The following GUCY2D variants were observed in gnomAD, a reference collection of about 807,000 sequenced individuals.
GUCY2D encodes the protein guanylate cyclase 2D, retinal, also known as retinal guanylyl cyclase 1.
In GUCY2D, 70 loss-of-function variants were observed where a neutral mutation model predicts 101.3. The ratio of observed to expected loss-of-function variants is 0.69; its 90% CI spans 0.57 to 0.84. The LOEUF is 0.84. Among genes scored for constraint, GUCY2D ranks in the 40% least tolerant of loss-of-function variants. The pLI is 0.00. For missense variants in GUCY2D, 1,460 were observed against 1,542.5 expected, an observed-to-expected ratio of 0.95 and a Z score of 0.90; for synonymous variants, 688 against 670.7, an observed-to-expected ratio of 1.03 and a Z score of -0.40.
At position 8,015,008 on chromosome 17, in the gene GUCY2D, A is replaced by G; in HGVS notation, c.2726A>G (p.Tyr909Cys). The G allele has an allele frequency of 6.2e-7, 1 of 1,614,050 alleles. No individual in the cohort carries two copies. Among genetic ancestry groups the G allele is most frequent in the South Asian group, 1.1e-5 (1 of 91,074 alleles). The change falls in exon 14 of 20, where the codon TAC becomes TGC. Residue 909 changes from tyrosine (Y) to cysteine (C), a missense_variant. Coordinates refer to ENST00000254854, the MANE Select transcript of GUCY2D (RefSeq NM_000180.4). ...GTTGTGGACCTGCTCAACGATCTCT[A>G]CACACTCTTTGATGCCATCATTGGT... Reference protein sequence around the residue: ...IEVVDLLNDLYTLFDAIIGSH... With the variant: ...IEVVDLLNDLCTLFDAIIGSH...
chr17:8,016,954 A>G (rs1975990383), intron 19 of GUCY2D: 1 of 173,744 alleles, frequency 5.8e-6, no homozygotes, highest in African/African-American at 2.4e-5. Flanking sequence ...CTGACCCGTG[A>G]CCCGCTCCTT....
At chr17:8,008,080 C>G in intron 7 of GUCY2D, 48 bp downstream of exon 7, 1 of 1,211,318 alleles carries the variant, frequency 8.3e-7, no homozygotes, top group Non-Finnish European at 1.2e-6. Context: ...GAAGAATGCT[C>G]AGGCCCTGGG....
rs61750186 is a variant in GUCY2D, at chr17:8,015,749, G to A, written c.2951G>A (p.Cys984Tyr). The A allele has an allele frequency of 2.5e-6, 4 of 1,608,412 alleles. No homozygotes were observed. Among genetic ancestry groups the A allele is most frequent in the Non-Finnish European group, 3.4e-6 (4 of 1,177,678 alleles). Residue 984 changes from cysteine (C) to tyrosine (Y), a missense_variant, in exon 16 of 20, where the codon TGC becomes TAC. This residue lies in a region of GUCY2D where 215 missense variants were observed against 227.9 expected (regional missense o/e 0.94). Coordinates refer to ENST00000254854, the MANE Select transcript of GUCY2D (RefSeq NM_000180.4). ...ACCCCCAGCATCTCCACAGGTCCAT[G>A]CGTGGCAGGCGTGGTGGGCCTCACC... ...RIRIGLHSGPCVAGVVGLTMP... is the reference protein window; with the variant it reads ...RIRIGLHSGPYVAGVVGLTMP...
intron 1 of GUCY2D, 25 bp from the exon 2 acceptor site, chr17:8,003,014 C>T: frequency 6.6e-7 from 1 of 1,518,388 alleles, no homozygotes; most frequent in South Asian, 1.2e-5. Context: ...CTCAGTCGCT[C>T]AGCCTGCTCC....
chr17:8,006,206 G>A (rs538856385), intron 3 of GUCY2D, among the ~76,000 whole-genome samples, 157 bp from the exon 4 acceptor site: 1 of 152,110 alleles, frequency 6.6e-6, no homozygotes, highest in South Asian at 2.1e-4. Context: ...GAGAGCCAAT[G>A]GGGAGGGAGG....
rs1304984076 is a variant in GUCY2D at position 8,003,342 on chromosome 17, G to T, written c.295G>T (p.Ala99Ser). 14 of 1,480,816 alleles carry T rather than the reference G, an allele frequency of 9.5e-6. No individual in the cohort carries two copies. Among genetic ancestry groups the T allele is most frequent in the Non-Finnish European group, 1.2e-5 (14 of 1,122,754 alleles). The allele number at this position is 1,480,816 out of a possible 1,614,324, so 91.7% of individuals were successfully genotyped here. A position where few individuals can be genotyped will look rare whatever the true frequency, so the allele number is the denominator to read the frequency against. ...GGCAGGCGGTCCCCGCTTCGAGGTA[G>T]CGCTGCTGCCCGAGCCTTGCCGGAC... ...GLAGGPRFEV[A>S]LLPEPCRTPG... The change falls in exon 2 of 20, where the codon GCG (alanine) becomes TCG (serine). Residue 99 changes from alanine to serine, a missense_variant. Ala to Ser is a moderately conservative substitution (Grantham distance 99). Around this residue, in one of 3 missense-constraint regions of GUCY2D, gnomAD observed 1,196 missense variants for 1,229.6 expected, o/e 0.97. Transcript: ENST00000254854.
chr17:8,003,420 G>T lies in GUCY2D; in HGVS notation c.373G>T (p.Val125Leu). 1 of 1,505,376 alleles carries T rather than the reference G, an allele frequency of 6.6e-7. No individual in the cohort carries two copies. The highest frequency in any genetic ancestry group is 8.8e-7 in the Non-Finnish European group (1 of 1,134,190). 93.3% of individuals were successfully genotyped at this position (1,505,376 alleles called of 1,614,324 possible). A position where few individuals can be genotyped will look rare whatever the true frequency, so the allele number is the denominator to read the frequency against. ...CGCGCTGGCCCGCGTGTCGGGCCTC[G>T]TGGGTCCGGTGAACCCTGCGGCCTG... The part of the protein sequence containing the change: ...SSALARVSGL[V>L]GPVNPAACRP... Residue 125 changes from valine (V) to leucine (L), a missense_variant, in exon 2 of 20, where the codon GTG becomes TTG. Transcript: ENST00000254854.
chr17:8,009,185 G>A (rs1224132310), intron 7 of GUCY2D, among the ~76,000 whole-genome samples: 1 of 152,228 alleles, frequency 6.6e-6, no homozygotes, highest in Non-Finnish European at 1.5e-5. Flanking sequence ...TCTCATGGCA[G>A]TGGATGGTAA....
At position 8,016,018 on chromosome 17, in the gene GUCY2D, G is replaced by A. The variant is rs1239172922; in HGVS notation, c.3135G>A (p.Leu1045=). The change falls in exon 17 of 20, where the codon CTG becomes CTA. Residue 1045 remains leucine (L), a synonymous_variant. Coordinates refer to ENST00000254854, the MANE Select transcript of GUCY2D (RefSeq NM_000180.4). ...TGGAGCTGCGAGGCCGCACGGAGCT[G>A]AAGGTGAGGCAGGGCCCCAACCCCT... is the stretch of plus-strand genomic sequence containing the variant. ...YQVELRGRTE[L]KGKGAEDTFW... The A allele has an allele frequency of 6.2e-7, 1 of 1,606,078 alleles. No individual in the cohort carries two copies. Among genetic ancestry groups the A allele is most frequent in the Non-Finnish European group, 8.5e-7 (1 of 1,176,780 alleles).
chr17:8,017,398 GAAGTGGAGTTCTGTTCCACCAGAGC>G (rs745419505), intron 19 of GUCY2D, among the ~76,000 whole-genome samples: 7 of 152,166 alleles, frequency 4.6e-5, no homozygotes, highest in Non-Finnish European at 1.0e-4. Flanking sequence ...GACCCCAGAG[GAAGTGGAGTTCTGTTCCACCAGAGC>G]AGGGTTTGTC....
chr17:8,005,953 G>A lies in GUCY2D; in HGVS notation c.1027-410G>A, dbSNP rs370054772. On this transcript the variant is annotated intron_variant, in intron 3 of 19. Transcript: ENST00000254854. ...GAAAATAGAAGCCAACCAAAAGATA[G>A]GTGAGAAGGCTTTTAGGTGAATGGT... 1.5e-3 allele frequency among the ~76,000 whole-genome samples: 230 copies of A among 152,266 alleles called. 2 individuals carry two copies. Among genetic ancestry groups the A allele is most frequent in the African/African-American group, 5.2e-3 (217 of 41,530 alleles).
intron 6 of GUCY2D, 49 bp from the exon 7 acceptor site, chr17:8,007,882 C>CT (rs1307399467): frequency 2.5e-6 from 3 of 1,204,632 alleles, no homozygotes; most frequent in South Asian, 2.4e-5. Flanking sequence ...ACCCAGGACT[C>CT]TGACACCAGA....
At position 8,010,695 on chromosome 17, in the gene GUCY2D, CTA is replaced by C. The variant is rs1175763767; in HGVS notation, c.1749+1110_1749+1111del. ...TGGTGGCGGGCGCCTGTAGTCCCAG[CTA>C]CTGTGGGAGGCTGAGGCAGAAGAAT... On this transcript the variant is annotated intron_variant, in intron 8 of 19. Coordinates refer to ENST00000254854, the MANE Select transcript of GUCY2D (RefSeq NM_000180.4). Among the ~76,000 whole-genome samples the C allele has an allele frequency of 3.3e-5, 5 of 151,216 alleles. No homozygotes were observed. In the East Asian group the frequency reaches 9.8e-4, roughly 30 times the overall value.
Position 8,014,448 on chromosome 17 carries a change from C to G in GUCY2D, c.2413-153C>G. The G allele has an allele frequency of 1.3e-6, 1 of 754,556 alleles. No homozygotes were observed. Among genetic ancestry groups the G allele is most frequent in the South Asian group, 1.4e-5 (1 of 70,660 alleles). 46.7% of individuals were successfully genotyped at this position (754,556 alleles called of 1,614,324 possible). ...TCGTGTCTGAAAACACAGTGCCCAG[C>G]ACCCCGGGGTGCTTGATGAATAGTA... On this transcript the variant is annotated intron_variant, in intron 12 of 19. Coordinates refer to ENST00000254854, the MANE Select transcript of GUCY2D (RefSeq NM_000180.4). This position sits in a 1 kb window ranked among gnomAD's most constrained non-coding sequence, Gnocchi z 4.0.
rs1295842256 is a variant in GUCY2D, at chr17:8,002,809, C to A, written c.-10+75C>A. On this transcript the variant is annotated intron_variant, in intron 1 of 19. Transcript: ENST00000254854. The surrounding 1 kb of genome is among the most constrained non-coding windows in gnomAD (Gnocchi z 4.9). ...GGCGAGTCCCTGCTGACCCCTGACG[C>A]CTCCGACGGGGGGAGGGGCAGGCCG... The A allele has an allele frequency of 1.9e-6, 1 of 520,830 alleles. No homozygotes were observed. Among genetic ancestry groups the A allele is most frequent in the Non-Finnish European group, 3.4e-6 (1 of 296,762 alleles). The allele number at this position is 520,830 out of a possible 1,614,324, so 32.3% of individuals were successfully genotyped here.
Position 8,003,227 on chromosome 17 carries a change from C to A in GUCY2D, c.180C>A (p.Gly60=). 1 of 1,518,834 alleles carries A rather than the reference C, an allele frequency of 6.6e-7. No individual in the cohort carries two copies. Among genetic ancestry groups the A allele is most frequent in the Non-Finnish European group, 8.8e-7 (1 of 1,138,372 alleles). The allele number at this position is 1,518,834 out of a possible 1,614,324, so 94.1% of individuals were successfully genotyped here. A position where few individuals can be genotyped will look rare whatever the true frequency, so the allele number is the denominator to read the frequency against. ...LSAVFTVGVL[G]PWACDPIFSR... is the part of the protein sequence containing the mutation. The stretch of plus-strand genomic sequence containing the variant: ...CCGTGTTCACGGTGGGGGTCCTGGG[C>A]CCCTGGGCTTGCGACCCCATCTTCT... The change falls in exon 2 of 20, where the codon GGC becomes GGA. Residue 60 remains glycine (G), a synonymous_variant. Coordinates refer to ENST00000254854, the MANE Select transcript of GUCY2D (RefSeq NM_000180.4).
rs769129492 is a variant in GUCY2D at position 8,003,706 on chromosome 17, C to T, written c.659C>T (p.Pro220Leu). The T allele has an allele frequency of 3.4e-5, 54 of 1,598,164 alleles. No individual in the cohort carries two copies. The highest frequency in any genetic ancestry group is 4.2e-5 in the Non-Finnish European group (49 of 1,179,620). The change falls in exon 2 of 20, where the codon CCC becomes CTC. Residue 220 changes from proline (P) to leucine (L), a missense_variant. Physicochemically the swap from Pro to Leu is moderately conservative, Grantham distance 98 (BLOSUM62 -3). Transcript: ENST00000254854. ...GTCGCCTCCGTGACTTCCATGGAGCCCTTGGACCTGTCTGGAGCCCGGGAG... is the reference window on the plus strand; with the variant it reads ...GTCGCCTCCGTGACTTCCATGGAGCTCTTGGACCTGTCTGGAGCCCGGGAG... ...LPVASVTSME[P>L]LDLSGAREAL...
At chr17:8,006,785 G>A (rs1975753340) in intron 4 of GUCY2D, 71 bp downstream of exon 4, 1 of 1,309,830 alleles carries the variant, frequency 7.6e-7, no homozygotes, top group Non-Finnish European at 1.1e-6. Flanking sequence ...GAAAGAGAGT[G>A]GACTCCTATC....
intron 8 of GUCY2D, among the ~76,000 whole-genome samples, chr17:8,010,860 T>C (rs982727055): frequency 6.8e-6 from 1 of 147,690 alleles, no homozygotes. Context: ...TTATTGGGCA[T>C]GTGGAGGGAA....
Sources: gnomAD v4.1 joint callset for allele counts (sites outside exome capture counted in the v4.1 genomes callset) on GRCh38, gnomAD v4.1.1 for gene constraint, gnomAD v4.1.1 regional missense constraint, Gnocchi (gnomAD v3.1) non-coding constraint, MANE v1.5 for transcripts, NCBI Gene and HGNC (gene_info 2026-07-23, HGNC 2026-07-21) for gene names.